The following CAST variants were observed in gnomAD, a reference collection of about 807,000 sequenced individuals.
CAST encodes the protein MIR583 host.
CAST carries 76 observed loss-of-function variants against 119.6 expected under a neutral mutation model. The observed-to-expected ratio is 0.64, with a 90% CI of 0.53 to 0.77. CAST has a LOEUF of 0.77. Ranked by LOEUF, CAST falls within the 30% of genes least tolerant of loss-of-function variation. The pLI is 0.00. For synonymous variants in CAST, 319 were observed against 331.6 expected (o/e 0.96, Z 0.41); for missense variants, 953 against 946.5 (o/e 1.01, Z -0.09).
At chr5:96,740,892 A>G in intron 13 of CAST, 109 bp downstream of exon 13, 1 of 753,052 alleles carries the variant, frequency 1.3e-6, no homozygotes, top group Non-Finnish European at 2.3e-6. Flanking sequence ...ACTCATCTCC[A>G]AATCAAATGG....
At chr5:96,188,872 T>C in the CAST span, among the ~76,000 whole-genome samples, 1 of 152,220 alleles carries the variant, frequency 6.6e-6, no homozygotes, top group South Asian at 2.1e-4. Flanking sequence ...TCAAATAAAT[T>C]GTCTTTTATT....
the CAST span, among the ~76,000 whole-genome samples, chr5:96,460,393 A>G: frequency 2.6e-5 from 4 of 152,080 alleles, no homozygotes; most frequent in African/African-American, 9.7e-5. Flanking sequence ...TTGGAGGGCA[A>G]AAGGGAGAGA....
At chr5:96,111,529 G>A in the CAST span, among the ~76,000 whole-genome samples, 1 of 152,188 alleles carries the variant, frequency 6.6e-6, no homozygotes, top group African/African-American at 2.4e-5. Flanking sequence ...CTGGTAACCA[G>A]CCTCCATCCT....
chr5:96,522,471 C>T (rs1250107734), upstream of CAST, among the ~76,000 whole-genome samples: 1 of 152,064 alleles, frequency 6.6e-6, no homozygotes, highest in Non-Finnish European at 1.5e-5. Context: ...TTTTAGGACG[C>T]TGTAGCCTAT....
chr5:96,350,358 C>T, the CAST span, among the ~76,000 whole-genome samples: 36 of 152,144 alleles, frequency 2.4e-4, no homozygotes, highest in African/African-American at 7.5e-4. Context: ...CATCTGGCTC[C>T]ATAAATCTGC....
the CAST span, chr5:96,408,211 T>C: frequency 6.3e-7 from 1 of 1,599,072 alleles, no homozygotes; most frequent in South Asian, 1.1e-5. Context: ...TTAGAAGCTT[T>C]CTGGGCCTTA....
At chr5:96,062,539 G>C in the CAST span, among the ~76,000 whole-genome samples, 1 of 152,112 alleles carries the variant, frequency 6.6e-6, no homozygotes, top group Admixed American at 6.6e-5. Context: ...CTTCTCAGAA[G>C]ATGAACACTT....
intron 8 of CAST, among the ~76,000 whole-genome samples, chr5:96,730,087 C>T (rs1476028835): frequency 1.3e-5 from 2 of 152,140 alleles, no homozygotes; most frequent in Non-Finnish European, 2.9e-5. Context: ...AACATATGTG[C>T]CCTGAATTAT....
At chr5:96,460,467 G>A in the CAST span, among the ~76,000 whole-genome samples, 1 of 151,856 alleles carries the variant, frequency 6.6e-6, no homozygotes, top group Non-Finnish European at 1.5e-5. Flanking sequence ...GATAGGTGCA[G>A]CAAACCACCA....
chr5:96,180,972 A>T, the CAST span, among the ~76,000 whole-genome samples: 1 of 152,342 alleles, frequency 6.6e-6, no homozygotes, highest in South Asian at 2.1e-4. Context: ...TTTATTTAAG[A>T]TAATCCTACA....
chr5:96,754,585 C>A, intron 21 of CAST, 73 bp from the exon 22 acceptor site: 3 of 866,286 alleles, frequency 3.5e-6, no homozygotes, highest in Non-Finnish European at 5.8e-6. Flanking sequence ...TACCTCAAAT[C>A]TAGTCACTCA....
the CAST span, among the ~76,000 whole-genome samples, chr5:96,436,718 A>G: frequency 6.6e-6 from 1 of 152,212 alleles, no homozygotes; most frequent in East Asian, 1.9e-4. Flanking sequence ...TAAATTGGAA[A>G]ATACACACAC....
At chr5:96,771,529 C>A in intron 30 of CAST, 115 bp from the exon 31 acceptor site, 1 of 674,000 alleles carries the variant, frequency 1.5e-6, no homozygotes, top group Non-Finnish European at 2.6e-6. Context: ...ACTGAAAGGA[C>A]CATCTTATTT....
rs140708936 is a variant in CAST, at chr5:96,748,080, G to A, written c.1333-438G>A. ...TACCACTCTCCTGAAAGAACAAGGG[G>A]TAGCAGAACTTTGCTGCCAAAATCC... On this transcript the variant is annotated intron_variant, in intron 18 of 31. Coordinates refer to ENST00000675179, the MANE Select transcript of CAST (RefSeq NM_001750.7). Among the ~76,000 whole-genome samples, 581 of 152,278 alleles carry A rather than the reference G, an allele frequency of 3.8e-3. 11 individuals are homozygous for A. The highest frequency in any genetic ancestry group is 0.024 in the Admixed American group (366 of 15,304).
the CAST span, among the ~76,000 whole-genome samples, chr5:95,986,552 T>C: frequency 1.3e-5 from 2 of 152,158 alleles, no homozygotes; most frequent in Non-Finnish European, 2.9e-5. Context: ...ATGGATATGG[T>C]ATAAATTCCT....
At chr5:96,377,878 T>C in the CAST span, among the ~76,000 whole-genome samples, 17 of 152,168 alleles carry the variant, frequency 1.1e-4, no homozygotes, top group African/African-American at 3.9e-4. Context: ...TGCTGCATTA[T>C]TGATAATAAT....
At chr5:96,325,414 CTT>C in the CAST span, among the ~76,000 whole-genome samples, 1 of 150,290 alleles carries the variant, frequency 6.7e-6, no homozygotes, top group African/African-American at 2.4e-5. Flanking sequence ...TTCTTTCTCT[CTT>C]TCTTTCCTTC....
At chr5:96,377,885 TAATC>T in the CAST span, among the ~76,000 whole-genome samples, 3 of 152,150 alleles carry the variant, frequency 2.0e-5, no homozygotes, top group African/African-American at 2.4e-5. Context: ...TTATTGATAA[TAATC>T]AAGATATGTA....
chr5:96,737,322 CA>C (rs35213929), intron 10 of CAST, among the ~76,000 whole-genome samples: 8 of 149,976 alleles, frequency 5.3e-5, no homozygotes, highest in African/African-American at 2.0e-4. Flanking sequence ...TGAACAACAA[CA>C]AAAAAAAACA....
Sources: gnomAD v4.1 joint callset for allele counts (sites outside exome capture counted in the v4.1 genomes callset) on GRCh38, gnomAD v4.1.1 for gene constraint, MANE v1.5 for transcripts, NCBI Gene and HGNC (gene_info 2026-07-23, HGNC 2026-07-21) for gene names.